COL4A5: variants seen among roughly 807,000 people sequenced by gnomAD.
The protein encoded by COL4A5 is collagen alpha-5(IV) chain.
In COL4A5, 26 loss-of-function variants were observed where a neutral mutation model predicts 130.2. The observed-to-expected ratio is 0.20, with a 90% confidence interval of 0.15 to 0.28. The LOEUF (loss-of-function observed/expected upper bound fraction) is 0.28. Among genes scored for constraint, COL4A5 ranks in the 10% least tolerant of loss-of-function variants. COL4A5 has a pLI of 1.00. For missense variants in COL4A5, 1,131 were observed against 1,344.3 expected (o/e 0.84, Z 2.48); for synonymous variants, 496 against 439.6 (o/e 1.13, Z -1.60).
At chrX:108,663,286 T>C (rs1426826513) in intron 37 of COL4A5, among the ~76,000 whole-genome samples, 1 of 112,067 alleles carries the variant, frequency 8.9e-6, no homozygotes, top group Non-Finnish European at 1.9e-5. Flanking sequence ...GGGCTTATTC[T>C]ATCTTGGCTT....
At chrX:108,652,821 A>G (rs1349507781) in intron 36 of COL4A5, among the ~76,000 whole-genome samples, 3 of 112,545 alleles carry the variant, frequency 2.7e-5, no homozygotes, top group Non-Finnish European at 5.6e-5. Context: ...CAGTGTTACT[A>G]TAGTCATTAG....
At chrX:108,543,719 A>G (rs1431533248) in intron 2 of COL4A5, among the ~76,000 whole-genome samples, 7 of 111,798 alleles carry the variant, frequency 6.3e-5, no homozygotes, top group African/African-American at 2.3e-4. Context: ...TTTTCACGAT[A>G]TTGATTCTTC....
rs780113108 is a variant in COL4A5 at position 108,677,662 on chromosome X, G to A, written c.3942+29G>A. ...GGAAATGGAAGTAGATATCTGATGA[G>A]AGAAGAATGTGGGTGTTTGTATTCA... On this transcript the variant is annotated intron_variant, in intron 44 of 52. Transcript: ENST00000328300. 11 of 1,201,602 alleles carry A rather than the reference G, an allele frequency of 9.2e-6. No individual in the cohort carries two copies. In the East Asian group the frequency reaches 1.2e-4, roughly 13 times the overall value.
At chrX:108,444,753 TTA>T (rs2147459110) in intron 1 of COL4A5, among the ~76,000 whole-genome samples, 1 of 112,086 alleles carries the variant, frequency 8.9e-6, no homozygotes, top group East Asian at 2.8e-4. Context: ...AAGTCCCTCT[TTA>T]TATATGTCAA....
rs762838947 is a variant in COL4A5, at chrX:108,458,580, G to A, written c.81+18374G>A. Among the ~76,000 whole-genome samples, 7 of 111,780 alleles carry A rather than the reference G, an allele frequency of 6.3e-5. No individual in the cohort carries two copies. In the South Asian group the frequency reaches 2.2e-3, roughly 36 times the overall value. On this transcript the variant is annotated intron_variant, in intron 1 of 52. Coordinates refer to ENST00000328300, the MANE Select transcript of COL4A5 (RefSeq NM_033380.3). ...AATTTGTACAAGTAAAACTCCTGGAGTTTTGAATGGGATTGTATTTAATCT... is the reference window on the plus strand; with the variant it reads ...AATTTGTACAAGTAAAACTCCTGGAATTTTGAATGGGATTGTATTTAATCT...
At chrX:108,590,572 A>G (rs1317899723) in intron 19 of COL4A5, among the ~76,000 whole-genome samples, 1 of 111,810 alleles carries the variant, frequency 8.9e-6, no homozygotes, top group East Asian at 2.8e-4. Context: ...ATTTATTTAG[A>G]AAAGTAAATT....
intron 1 of COL4A5, among the ~76,000 whole-genome samples, chrX:108,455,322 T>C (rs1822060052): frequency 8.9e-6 from 1 of 112,298 alleles, no homozygotes; most frequent in African/African-American, 3.2e-5. Context: ...TACACCACAC[T>C]GTTGATGGAC....
At chrX:108,605,957 T>C (rs747211699) in intron 28 of COL4A5, among the ~76,000 whole-genome samples, 1 of 112,365 alleles carries the variant, frequency 8.9e-6, no homozygotes, top group South Asian at 3.7e-4. Flanking sequence ...TTATCTAATG[T>C]TAAGCTTTCC....
intron 1 of COL4A5, among the ~76,000 whole-genome samples, chrX:108,537,400 CAT>C (rs755844554): frequency 1.8e-5 from 2 of 111,761 alleles, no homozygotes; most frequent in Admixed American, 9.5e-5. Context: ...AGTAAAGCTA[CAT>C]GTTAATAAAA....
At chrX:108,557,241 G>T (rs892485716) in intron 2 of COL4A5, among the ~76,000 whole-genome samples, 1 of 110,881 alleles carries the variant, frequency 9.0e-6, no homozygotes, top group Non-Finnish European at 1.9e-5. Flanking sequence ...CTTGTGATCA[G>T]ATTTCTACTA....
chrX:108,536,143 T>C (rs1368655461), intron 1 of COL4A5, among the ~76,000 whole-genome samples: 1 of 111,705 alleles, frequency 9.0e-6, no homozygotes, highest in Non-Finnish European at 1.9e-5. Flanking sequence ...ATCTGCTGTT[T>C]TAATTGTAGC....
chrX:108,661,132 C>CT (rs1228010411), intron 37 of COL4A5, among the ~76,000 whole-genome samples: 1 of 111,753 alleles, frequency 8.9e-6, no homozygotes, highest in African/African-American at 3.2e-5. Flanking sequence ...TGTAAATACA[C>CT]TTTATATGTT....
intron 1 of COL4A5, among the ~76,000 whole-genome samples, chrX:108,466,074 A>G (rs1398855964): frequency 8.9e-6 from 1 of 112,030 alleles, no homozygotes; most frequent in East Asian, 2.8e-4. Context: ...ACTTCATTGT[A>G]CATCATCCCT....
chrX:108,580,334 T>G (rs760491740), intron 13 of COL4A5, among the ~76,000 whole-genome samples, 199 bp from the exon 14 acceptor site: 2 of 111,756 alleles, frequency 1.8e-5, no homozygotes, highest in Non-Finnish European at 3.8e-5. Flanking sequence ...CAGTTATAAG[T>G]GAGAACATGT....
intron 1 of COL4A5, among the ~76,000 whole-genome samples, chrX:108,453,481 T>C (rs2064550925): frequency 8.9e-6 from 1 of 111,858 alleles, no homozygotes; most frequent in Admixed American, 9.5e-5. Context: ...TAAAAATTCA[T>C]AATATATGTT....
chrX:108,606,970 A>G, intron 29 of COL4A5, 78 bp downstream of exon 29: 1 of 1,024,868 alleles, frequency 9.8e-7, no homozygotes, highest in Non-Finnish European at 1.4e-6. Flanking sequence ...TTTATGGGTG[A>G]TAAGCCCAAT....
At chrX:108,468,622 T>C in intron 1 of COL4A5, among the ~76,000 whole-genome samples, 1 of 109,757 alleles carries the variant, frequency 9.1e-6, no homozygotes, top group East Asian at 2.9e-4. Flanking sequence ...ATGATCCAAA[T>C]GTTTTTTCCT....
At chrX:108,597,693 A>T (rs756231205) in intron 24 of COL4A5, 125 bp downstream of exon 24, 43 of 611,240 alleles carry the variant, frequency 7.0e-5, no homozygotes, top group Non-Finnish European at 1.0e-4. Flanking sequence ...AAACAATGTG[A>T]CCATACAGTA....
Position 108,559,034 on chromosome X carries a change from A to G in COL4A5, c.142-30A>G, listed in dbSNP as rs1569486462. ...GCCTGTGCTTGAAAATTCACAAATG[A>G]CCTTACCTTTCATTCTCATTTAATT... On this transcript the variant is annotated intron_variant, in intron 2 of 52. Transcript: ENST00000328300. 3 of 1,125,851 alleles carry G rather than the reference A, an allele frequency of 2.7e-6. No homozygotes were observed. The East Asian group carries it at 9.0e-5, about 34-fold the overall frequency. 92.8% of individuals were successfully genotyped at this position (1,125,851 alleles called of 1,213,427 possible). A position where few individuals can be genotyped will look rare whatever the true frequency, so the allele number is the denominator to read the frequency against.
Sources: gnomAD v4.1 joint callset for allele counts (sites outside exome capture counted in the v4.1 genomes callset) on GRCh38, gnomAD v4.1.1 for gene constraint, MANE v1.5 for transcripts, NCBI Gene and HGNC (gene_info 2026-07-23, HGNC 2026-07-21) for gene names.